FKBP1B: variants seen among roughly 807,000 people sequenced by gnomAD.
The protein encoded by FKBP1B is peptidyl-prolyl cis-trans isomerase FKBP1B.
Under a neutral mutation model 13.5 loss-of-function variants are expected in FKBP1B, and 4 were observed. That is an observed-to-expected ratio of 0.30 (90% confidence interval 0.15 to 0.68). The LOEUF is 0.68. FKBP1B is among the 30% of genes least tolerant of loss of function. The pLI, the probability that FKBP1B is intolerant of heterozygous loss-of-function variation, is 0.76. For synonymous variants in FKBP1B, 54 were observed against 53.6 expected, an observed-to-expected ratio of 1.01 and a Z score of -0.03; for missense variants, 93 against 136.2, an observed-to-expected ratio of 0.68 and a Z score of 1.58.
At chr2:24,059,468 G>A (rs1664288187) in intron 2 of FKBP1B, among the ~76,000 whole-genome samples, 1 of 152,152 alleles carries the variant, frequency 6.6e-6, no homozygotes, top group African/African-American at 2.4e-5. Flanking sequence ...CTACAGTAGG[G>A]GATAATGTAA....
At chr2:24,042,124 G>A in the FKBP1B span, among the ~76,000 whole-genome samples, 3 of 152,076 alleles carry the variant, frequency 2.0e-5, no homozygotes, top group African/African-American at 7.2e-5. Context: ...TATAAAGCCT[G>A]GGTGTGGCAG....
intron 2 of FKBP1B, among the ~76,000 whole-genome samples, chr2:24,057,362 A>AT (rs1202154103): frequency 1.9e-4 from 28 of 144,482 alleles, no homozygotes; most frequent in Admixed American, 1.6e-3. Flanking sequence ...TGCCTGGCTA[A>AT]TTTTTTTTTG....
the FKBP1B span, among the ~76,000 whole-genome samples, chr2:24,043,697 T>C: frequency 6.6e-6 from 1 of 152,230 alleles, no homozygotes; most frequent in African/African-American, 2.4e-5. Context: ...AGTGCTTCCC[T>C]GTCACTGAAT....
intron 1 of FKBP1B, among the ~76,000 whole-genome samples, chr2:24,052,807 T>C (rs1221571139): frequency 6.6e-6 from 1 of 150,688 alleles, no homozygotes; most frequent in Non-Finnish European, 1.5e-5. Flanking sequence ...TCTCTACAAA[T>C]TTTTTTTAAA....
chr2:24,047,159 C>T (rs1663652747), upstream of FKBP1B, among the ~76,000 whole-genome samples: 1 of 152,084 alleles, frequency 6.6e-6, no homozygotes, highest in Non-Finnish European at 1.5e-5. Context: ...TCCCGCGACC[C>T]CTCACACGCG....
intron 2 of FKBP1B, among the ~76,000 whole-genome samples, chr2:24,056,987 G>A (rs544892795): frequency 1.1e-4 from 16 of 152,208 alleles, no homozygotes; most frequent in African/African-American, 3.4e-4. Context: ...CATGGTGCCC[G>A]GCCGGTTGTC....
chr2:24,045,631 G>GGA (rs367897717), upstream of FKBP1B, among the ~76,000 whole-genome samples: 1 of 106,156 alleles, frequency 9.4e-6, no homozygotes, highest in African/African-American at 4.8e-5. Context: ...GAGAGAGAGA[G>GGA]AGGAAGGAAG....
chr2:24,050,801 G>C lies in FKBP1B; in HGVS notation c.37+915G>C, dbSNP rs1663832246. Among the ~76,000 whole-genome samples the C allele has an allele frequency of 6.6e-6, 1 of 152,170 alleles. No homozygotes were observed. The highest frequency in any genetic ancestry group is 1.5e-5 in the Non-Finnish European group (1 of 68,036). ...GAACAGCTCCCCTCCCCAGGAAATT[G>C]GATAACTTCTTGGCTCCAGGCCATC... On this transcript the variant is annotated intron_variant, in intron 1 of 3. Coordinates refer to ENST00000380986, the MANE Select transcript of FKBP1B (RefSeq NM_004116.5). The surrounding 1 kb of genome is among the most constrained non-coding windows in gnomAD (Gnocchi z 5.8).
At chr2:24,033,326 C>T in the FKBP1B span, 2 of 329,134 alleles carry the variant, frequency 6.1e-6, no homozygotes, top group Middle Eastern at 6.1e-4. Flanking sequence ...AAAAAAAATG[C>T]CGAGAGAGTG....
At chr2:24,061,168 A>G (rs574741812) in intron 3 of FKBP1B, among the ~76,000 whole-genome samples, 3 of 152,114 alleles carry the variant, frequency 2.0e-5, no homozygotes, top group Non-Finnish European at 4.4e-5. Context: ...AGGCTTGCTC[A>G]GAACTAGCTG....
At chr2:24,057,805 C>T (rs998764013) in intron 2 of FKBP1B, among the ~76,000 whole-genome samples, 1 of 152,154 alleles carries the variant, frequency 6.6e-6, no homozygotes, top group African/African-American at 2.4e-5. Flanking sequence ...GTGTGAGCCA[C>T]TGTACCTGGC....
chr2:24,037,541 C>T, the FKBP1B span: 22 of 1,000,906 alleles, frequency 2.2e-5, no homozygotes, highest in South Asian at 3.9e-4. Context: ...GGTGTACCAA[C>T]TTGCCTGTAA....
the FKBP1B span, among the ~76,000 whole-genome samples, chr2:24,036,755 C>T: frequency 5.3e-5 from 8 of 152,150 alleles, no homozygotes; most frequent in African/African-American, 1.9e-4. Flanking sequence ...CCATATCACC[C>T]TATTTTTGTA....
At chr2:24,057,116 T>C (rs1664161874) in intron 2 of FKBP1B, among the ~76,000 whole-genome samples, 1 of 152,190 alleles carries the variant, frequency 6.6e-6, no homozygotes, top group Admixed American at 6.5e-5. Flanking sequence ...CTCTTAATAG[T>C]ATATTTTGAA....
At chr2:24,037,926 C>T in the FKBP1B span, 16 of 1,613,956 alleles carry the variant, frequency 9.9e-6, no homozygotes, top group Admixed American at 6.7e-5. Flanking sequence ...GTCTGGGCAG[C>T]GATGCTGGCT....
chr2:24,049,527 A>G (rs1200261563), upstream of FKBP1B: 8 of 284,190 alleles, frequency 2.8e-5, no homozygotes, highest in Middle Eastern at 9.5e-4. Context: ...GAATGAATGG[A>G]TGGATGGAGG....
At chr2:24,055,194 CTTTTTTTT>C (rs71395180) in intron 2 of FKBP1B, among the ~76,000 whole-genome samples, 13 of 131,188 alleles carry the variant, frequency 9.9e-5, no homozygotes, top group East Asian at 4.3e-4. Flanking sequence ...CATTGTTTTT[CTTTTTTTT>C]TTTTTTTTTG....
the FKBP1B span, chr2:24,039,262 G>A: frequency 4.3e-6 from 7 of 1,614,136 alleles, no homozygotes; most frequent in South Asian, 6.6e-5. Context: ...ATGCTGGACA[G>A]CGAGTAGAAC....
the FKBP1B span, chr2:24,038,950 T>C: frequency 1.2e-6 from 2 of 1,614,068 alleles, no homozygotes; most frequent in Admixed American, 1.7e-5. Flanking sequence ...GTCCCAAATA[T>C]AAGAATGCAG....
Sources: allele counts gnomAD v4.1 joint callset (sites outside exome capture counted in the v4.1 genomes callset), GRCh38; gene constraint gnomAD v4.1.1; non-coding constraint Gnocchi (gnomAD v3.1); transcripts MANE v1.5; gene names NCBI Gene and HGNC (gene_info 2026-07-23, HGNC 2026-07-21).